Variants in GSG1L observed in about 807,000 individuals in gnomAD.
The protein encoded by GSG1L is GSG1 like.
A neutral mutation model predicts 42.1 loss-of-function variants in GSG1L; 24 were observed. The observed-to-expected ratio is 0.57, with a 90% CI of 0.41 to 0.80. GSG1L has a LOEUF of 0.80. Ranked by LOEUF, GSG1L falls within the 30% of genes least tolerant of loss-of-function variation. The pLI is 0.00. For missense variants in GSG1L, 445 were observed against 472.2 expected (o/e 0.94, Z 0.53); for synonymous variants, 215 against 203.5 (o/e 1.06, Z -0.48).
At chr16:27,845,111 G>C in intron 3 of GSG1L, 50 bp from the exon 4 acceptor site, 1 of 1,247,140 alleles carries the variant, frequency 8.0e-7, no homozygotes, top group Non-Finnish European at 1.2e-6. Context: ...GAAGGGCTTT[G>C]TCCCCACACA....
chr16:27,961,108 A>C lies in GSG1L; in HGVS notation c.397+2048T>G, dbSNP rs867105946. 7.7e-4 allele frequency among the ~76,000 whole-genome samples: 117 copies of C among 151,984 alleles called. 3 individuals carry two copies. The highest frequency in any genetic ancestry group is 2.7e-3 in the African/African-American group (111 of 41,414). On this transcript the variant is annotated intron_variant, in intron 2 of 6. Transcript: ENST00000447459. ...CCCGTATGTGCTCACCCTAGAACAC[A>C]CCTGTGCTTATGCACACATGGCACC...
intron 1 of GSG1L, among the ~76,000 whole-genome samples, chr16:27,971,864 T>C (rs1204749802): frequency 6.6e-6 from 1 of 152,174 alleles, no homozygotes; most frequent in Non-Finnish European, 1.5e-5. Context: ...AAAGGATATT[T>C]GCCGTCTCTT....
At chr16:27,801,663 G>A (rs534450050) in intron 6 of GSG1L, among the ~76,000 whole-genome samples, 2 of 152,250 alleles carry the variant, frequency 1.3e-5, no homozygotes, top group African/African-American at 4.8e-5. Flanking sequence ...GAGGACCGAG[G>A]CCATGTCTGG....
At chr16:27,876,166 A>C (rs934507242) in intron 3 of GSG1L, among the ~76,000 whole-genome samples, 7 of 152,240 alleles carry the variant, frequency 4.6e-5, no homozygotes, top group Admixed American at 6.5e-5. Context: ...AGCTATGAGC[A>C]AGAAACCAAG....
intron 2 of GSG1L, among the ~76,000 whole-genome samples, chr16:27,947,540 GGAAAGAAAGAAAGAAAGAAAGAAA>G (rs773407925): frequency 2.1e-5 from 2 of 97,098 alleles, no homozygotes; most frequent in East Asian, 6.2e-4. Flanking sequence ...AAAGAATGAA[GGAAAGAAAGAAAGAAAGAAAGAAA>G]GAAAGAAAGA....
At chr16:27,881,461 C>T (rs1051488319) in intron 3 of GSG1L, among the ~76,000 whole-genome samples, 11 of 152,022 alleles carry the variant, frequency 7.2e-5, no homozygotes, top group East Asian at 5.8e-4. Context: ...AGGCTGGTCT[C>T]GAACTCCTGA....
chr16:28,001,712 T>G (rs530583832), intron 1 of GSG1L, among the ~76,000 whole-genome samples: 4 of 152,192 alleles, frequency 2.6e-5, no homozygotes, highest in African/African-American at 9.6e-5. Context: ...CCTGGAAAGA[T>G]CATTTTGTGG....
At chr16:28,046,324 T>C (rs1347836798) in intron 1 of GSG1L, among the ~76,000 whole-genome samples, 1 of 147,154 alleles carries the variant, frequency 6.8e-6, no homozygotes, top group African/African-American at 2.5e-5. Context: ...CCACATGCAT[T>C]GAGGAGGAAG....
chr16:27,917,554 C>T (rs1046999829), intron 2 of GSG1L, among the ~76,000 whole-genome samples: 1 of 152,092 alleles, frequency 6.6e-6, no homozygotes, highest in East Asian at 1.9e-4. Context: ...GCATAGGAGG[C>T]CTTCCTCTGA....
At chr16:27,873,143 G>A (rs2083843629) in intron 3 of GSG1L, among the ~76,000 whole-genome samples, 1 of 152,214 alleles carries the variant, frequency 6.6e-6, no homozygotes, top group African/African-American at 2.4e-5. Flanking sequence ...CACAGTAGGT[G>A]CTCAATAAAT....
intron 2 of GSG1L, among the ~76,000 whole-genome samples, chr16:27,903,548 G>A (rs542093692): frequency 2.6e-5 from 4 of 152,252 alleles, no homozygotes; most frequent in African/African-American, 7.2e-5. Context: ...GCTGCAGAAC[G>A]CCCACCTACC....
intron 1 of GSG1L, among the ~76,000 whole-genome samples, chr16:27,979,661 A>AAGAAAGAAAGAAAGAGAGAGAGAG (rs368394279): frequency 1.5e-5 from 1 of 67,696 alleles, no homozygotes; most frequent in African/African-American, 6.5e-5. Flanking sequence ...GAAAGAAAGA[A>AAGAAAGAAAGAAAGAGAGAGAGAG]AGAGAGAGAG....
intron 2 of GSG1L, among the ~76,000 whole-genome samples, chr16:27,912,421 G>A (rs1465481619): frequency 2.0e-5 from 3 of 152,188 alleles, no homozygotes; most frequent in Admixed American, 1.3e-4. Flanking sequence ...GGAGGATGAG[G>A]TGGGAGGATC....
chr16:27,955,923 A>AGGAAGGAAGGAAGGAT, intron 2 of GSG1L, among the ~76,000 whole-genome samples: 1 of 139,302 alleles, frequency 7.2e-6, no homozygotes, highest in Admixed American at 6.8e-5. Flanking sequence ...GAAGGAAGGA[A>AGGAAGGAAGGAAGGAT]GGAAAGAAGG....
chr16:28,017,637 G>A (rs1020576913), intron 1 of GSG1L, among the ~76,000 whole-genome samples: 15 of 152,284 alleles, frequency 9.9e-5, no homozygotes, highest in East Asian at 7.7e-4. Context: ...CTACGCAGCC[G>A]TGGAAATAAC....
intron 2 of GSG1L, among the ~76,000 whole-genome samples, chr16:27,928,503 GAAAGA>G (rs200656478): frequency 4.0e-5 from 6 of 150,394 alleles, no homozygotes; most frequent in African/African-American, 1.2e-4. Flanking sequence ...CTTGTGAGTG[GAAAGA>G]AAAGAAAAGA....
intron 3 of GSG1L, among the ~76,000 whole-genome samples, chr16:27,857,273 TA>T (rs762586196): frequency 2.0e-5 from 3 of 149,816 alleles, no homozygotes; most frequent in African/African-American, 7.4e-5. Flanking sequence ...CTAAAAAATA[TA>T]AAAATTAGCT....
At position 27,790,254 on chromosome 16, in the gene GSG1L, G is replaced by A. The variant is rs1413397337; in HGVS notation, c.*1116C>T. The A allele has an allele frequency of 6.6e-6, 1 of 152,158 alleles. No individual in the cohort carries two copies. The highest frequency in any genetic ancestry group is 2.4e-5 in the African/African-American group (1 of 41,416). The allele number at this position is 152,158 out of a possible 1,614,324, so 9.4% of individuals were successfully genotyped here. On this transcript the variant is annotated 3_prime_UTR_variant, in exon 7 of 7. Transcript: ENST00000447459. ...GATAATGGATAATGGCTGGATGAGT[G>A]ATGGATGATGGATGGAAGGATGGAA...
chr16:27,790,166 A>T lies in GSG1L; in HGVS notation c.*1204T>A, dbSNP rs916523087. 6.6e-6 allele frequency: 1 copy of T among 151,860 alleles called. No homozygotes were observed. Among genetic ancestry groups the T allele is most frequent in the African/African-American group, 2.4e-5 (1 of 41,346 alleles). 9.4% of individuals were successfully genotyped at this position (151,860 alleles called of 1,614,324 possible). Reference sequence around the variant, plus strand: ...ATGAATGATGGATGGATGATGAATGATGGATGGATAATAGATGATGAATGG... The same window carrying T: ...ATGAATGATGGATGGATGATGAATGTTGGATGGATAATAGATGATGAATGG... On this transcript the variant is annotated 3_prime_UTR_variant, in exon 7 of 7. Transcript: ENST00000447459.
Sources: allele counts gnomAD v4.1 joint callset (sites outside exome capture counted in the v4.1 genomes callset), GRCh38; gene constraint gnomAD v4.1.1; transcripts MANE v1.5; gene names NCBI Gene and HGNC (gene_info 2026-07-23, HGNC 2026-07-21).